EPHB2: variants seen among roughly 807,000 people sequenced by gnomAD.
EPHB2 encodes EPH receptor B2, also known as ephrin type-B receptor 2.
Under a neutral mutation model 96.4 loss-of-function variants are expected in EPHB2, and 18 were observed. That is an observed-to-expected ratio of 0.19 (90% CI 0.13 to 0.28). The LOEUF (loss-of-function observed/expected upper bound fraction) is 0.28. Ranked by LOEUF, EPHB2 falls within the 10% of genes least tolerant of loss-of-function variation. The pLI is 1.00. For synonymous variants in EPHB2, 506 were observed against 534.1 expected (o/e 0.95, Z 0.72); for missense variants, 989 against 1,355.4 (o/e 0.73, Z 4.25).
At chr1:22,768,691 A>AT (rs1644338278) in intron 1 of EPHB2, among the ~76,000 whole-genome samples, 1 of 148,282 alleles carries the variant, frequency 6.7e-6, no homozygotes, top group Admixed American at 6.7e-5. Context: ...TCCTGTCTCC[A>AT]TTAAAAAAAA....
chr1:22,784,795 C>G lies in EPHB2; in HGVS notation c.530C>G (p.Ala177Gly). 1 of 1,604,076 alleles carries G rather than the reference C, an allele frequency of 6.2e-7. No individual in the cohort carries two copies. The highest frequency in any genetic ancestry group is 8.5e-7 in the Non-Finnish European group (1 of 1,173,458). ...GTGTCCCGCAGCGGCTTCTACCTGG[C>G]CTTCCAGGACTATGGCGGCTGCATG... Reference protein sequence around the residue: ...GPVSRSGFYLAFQDYGGCMSL... With the variant: ...GPVSRSGFYLGFQDYGGCMSL... The change falls in exon 3 of 16, where the codon GCC (alanine) becomes GGC (glycine). Residue 177 changes from alanine (A) to glycine (G), a missense_variant. By Grantham distance (60) the Ala-to-Gly change is moderately conservative. Coordinates refer to ENST00000374630, the MANE Select transcript of EPHB2 (RefSeq NM_017449.5). The surrounding 1 kb of genome is among the most constrained non-coding windows in gnomAD (Gnocchi z 5.1).
chr1:22,853,088 T>C (rs532810034), intron 3 of EPHB2, among the ~76,000 whole-genome samples: 154 of 152,332 alleles, frequency 1.0e-3, no homozygotes, highest in African/African-American at 2.0e-3. Context: ...CGGTGGCTCA[T>C]GCCTGTAATC....
At chr1:22,893,245 G>A (rs1203628631) in intron 7 of EPHB2, among the ~76,000 whole-genome samples, 199 bp downstream of exon 7, 1 of 152,194 alleles carries the variant, frequency 6.6e-6, no homozygotes, top group African/African-American at 2.4e-5. Context: ...CGTTGTGTCA[G>A]CCAGGCCACT....
At chr1:22,731,806 C>T (rs1643719878) in intron 1 of EPHB2, among the ~76,000 whole-genome samples, 1 of 152,210 alleles carries the variant, frequency 6.6e-6, no homozygotes, top group Admixed American at 6.5e-5. Context: ...CGCCACTGCA[C>T]CCCAGCCTGG....
intron 3 of EPHB2, among the ~76,000 whole-genome samples, chr1:22,833,959 T>G (rs1408383371): frequency 2.0e-5 from 3 of 151,964 alleles, no homozygotes; most frequent in African/African-American, 7.3e-5. Context: ...TAAAAAGACT[T>G]TAAGACAAAA....
chr1:22,767,729 C>A (rs1451425804), intron 1 of EPHB2, among the ~76,000 whole-genome samples: 1 of 152,306 alleles, frequency 6.6e-6, no homozygotes, highest in South Asian at 2.1e-4. Flanking sequence ...TTCTCCACCT[C>A]GAAGGCTCTC....
intron 1 of EPHB2, among the ~76,000 whole-genome samples, chr1:22,721,780 ATT>A (rs555671339): frequency 5.7e-5 from 8 of 141,100 alleles, no homozygotes; most frequent in Admixed American, 7.1e-5. Context: ...CGCATCCAGC[ATT>A]TTTTTTTTTT....
intron 1 of EPHB2, among the ~76,000 whole-genome samples, chr1:22,759,189 C>T (rs1451084548): frequency 7.9e-5 from 12 of 152,082 alleles, no homozygotes; most frequent in Non-Finnish European, 1.5e-5. Context: ...TGCCATGAAG[C>T]TTGACTTGGA....
At chr1:22,829,020 T>TC (rs1252327890) in intron 3 of EPHB2, among the ~76,000 whole-genome samples, 4 of 152,254 alleles carry the variant, frequency 2.6e-5, no homozygotes, top group African/African-American at 9.6e-5. Context: ...AATGTCATAG[T>TC]CAAGAACTGT....
intron 3 of EPHB2, among the ~76,000 whole-genome samples, chr1:22,840,827 A>C (rs1252578622): frequency 6.6e-6 from 1 of 152,192 alleles, no homozygotes; most frequent in Non-Finnish European, 1.5e-5. Context: ...ACATTATCCT[A>C]GCACTTTACA....
At chr1:22,818,205 C>T (rs1487563794) in intron 3 of EPHB2, among the ~76,000 whole-genome samples, 1 of 152,126 alleles carries the variant, frequency 6.6e-6, no homozygotes, top group Non-Finnish European at 1.5e-5. Flanking sequence ...GTCTCAAGCT[C>T]AGTGTACCTG....
chr1:22,870,687 C>T (rs769800564), intron 5 of EPHB2, among the ~76,000 whole-genome samples: 4 of 152,180 alleles, frequency 2.6e-5, no homozygotes, highest in Non-Finnish European at 5.9e-5. Flanking sequence ...AGGGCTGCCC[C>T]GGACACAGCC....
intron 1 of EPHB2, among the ~76,000 whole-genome samples, chr1:22,745,715 C>G (rs1387937878): frequency 6.6e-6 from 1 of 151,948 alleles, no homozygotes; most frequent in East Asian, 1.9e-4. Flanking sequence ...AATTATAATC[C>G]ATGCAGCAGC....
intron 4 of EPHB2, among the ~76,000 whole-genome samples, chr1:22,864,634 C>T (rs1338364243): frequency 2.0e-5 from 3 of 152,100 alleles, no homozygotes; most frequent in African/African-American, 7.2e-5. Context: ...ATTCCAAACG[C>T]AAAAATACTA....
rs7530437 is a variant in EPHB2 at position 22,860,117 on chromosome 1, A to G, written c.812-2920A>G. On this transcript the variant is annotated intron_variant, in intron 3 of 15. Transcript: ENST00000374630. This position sits in a 1 kb window ranked among gnomAD's most constrained non-coding sequence, Gnocchi z 4.6. ...AATGCTTCGTTCCTTTTTATGGCCG[A>G]ATAGTATTCCAACGTATGTGCCATT... Among the ~76,000 whole-genome samples, 4 of 152,008 alleles carry G rather than the reference A, an allele frequency of 2.6e-5. No homozygotes were observed. The highest frequency in any genetic ancestry group is 9.7e-5 in the African/African-American group (4 of 41,356).
intron 1 of EPHB2, among the ~76,000 whole-genome samples, chr1:22,744,671 CAAAAAAAAAAAAA>C (rs59996691): frequency 1.7e-5 from 1 of 57,922 alleles, no homozygotes; most frequent in African/African-American, 6.8e-5. Context: ...GACATTGTCT[CAAAAAAAAAAAAA>C]AAAAAAAAAA....
chr1:22,896,387 T>C, intron 8 of EPHB2, 27 bp from the exon 9 acceptor site: 1 of 1,614,064 alleles, frequency 6.2e-7, no homozygotes, highest in East Asian at 2.2e-5. Flanking sequence ...TTCAGGTGGC[T>C]CCAGCCCTTT....
chr1:22,786,450 G>A (rs899516622), intron 3 of EPHB2, among the ~76,000 whole-genome samples: 6 of 152,220 alleles, frequency 3.9e-5, no homozygotes, highest in Non-Finnish European at 1.5e-5. Flanking sequence ...CCAGGTTAAA[G>A]GTTTGGACCC....
chr1:22,859,528 G>C (rs1645760036), intron 3 of EPHB2, among the ~76,000 whole-genome samples: 1 of 152,192 alleles, frequency 6.6e-6, no homozygotes, highest in Admixed American at 6.5e-5. Context: ...GGGCTCAGTG[G>C]CTCATGTCTG....
Sources: allele counts gnomAD v4.1 joint callset (sites outside exome capture counted in the v4.1 genomes callset), GRCh38; gene constraint gnomAD v4.1.1; non-coding constraint Gnocchi (gnomAD v3.1); transcripts MANE v1.5; gene names NCBI Gene and HGNC (gene_info 2026-07-23, HGNC 2026-07-21).